DPH6: variants seen among roughly 807,000 people sequenced by gnomAD.
DPH6 encodes diphthamine biosynthesis 6, also known as diphthine--ammonia ligase.
In DPH6, 33 loss-of-function variants were observed where a neutral mutation model predicts 38.2. The ratio of observed to expected loss-of-function variants is 0.86; its 90% CI spans 0.65 to 1.15. The LOEUF (loss-of-function observed/expected upper bound fraction) is 1.15. Among genes scored for constraint, DPH6 ranks in the 50% most tolerant of loss-of-function variants. DPH6 has a pLI of 0.00. For synonymous variants in DPH6, 108 were observed against 103.0 expected (o/e 1.05, Z -0.30); for missense variants, 325 against 320.0 (o/e 1.02, Z -0.12).
intron 3 of DPH6, among the ~76,000 whole-genome samples, chr15:35,483,585 T>A (rs957417190): frequency 6.6e-6 from 1 of 151,948 alleles, no homozygotes; most frequent in Non-Finnish European, 1.5e-5. Flanking sequence ...GGAGGAAACA[T>A]TTATCCATTG....
chr15:35,156,953 T>C, the DPH6 span, among the ~76,000 whole-genome samples: 40 of 152,290 alleles, frequency 2.6e-4, no homozygotes, highest in Middle Eastern at 0.01. Context: ...GAACTAATTT[T>C]GGAGATTTTA....
intron 3 of DPH6, among the ~76,000 whole-genome samples, chr15:35,353,759 G>T (rs1006523274): frequency 1.3e-5 from 2 of 152,252 alleles, no homozygotes; most frequent in African/African-American, 4.8e-5. Flanking sequence ...ACTTGGTGAT[G>T]CAGGCTCTTT....
chr15:35,235,391 C>G (rs1431382046), intron 3 of DPH6, among the ~76,000 whole-genome samples: 2 of 152,184 alleles, frequency 1.3e-5, no homozygotes, highest in Non-Finnish European at 2.9e-5. Context: ...CACTTGCATA[C>G]AAGTCTTCAT....
At chr15:35,393,400 T>G (rs2053086054) in intron 6 of DPH6, among the ~76,000 whole-genome samples, 1 of 152,188 alleles carries the variant, frequency 6.6e-6, no homozygotes, top group Non-Finnish European at 1.5e-5. Context: ...CAAATTTATT[T>G]AATAAGTTTT....
In DPH6 at chr15:35,542,065, C is replaced by A. The variant is rs146733222; in HGVS notation, c.118+348G>T. Reference sequence around the variant, plus strand: ...CTGTATCTTATCTACCTCTATGCTGCCTACAGTACTTGGGAATGTGGTGGG... The same window carrying A: ...CTGTATCTTATCTACCTCTATGCTGACTACAGTACTTGGGAATGTGGTGGG... On this transcript the variant is annotated intron_variant, in intron 2 of 8. Transcript: ENST00000256538. 2.5e-3 allele frequency among the ~76,000 whole-genome samples: 385 copies of A among 152,144 alleles called. 5 individuals carry two copies. Among genetic ancestry groups the A allele is most frequent in the African/African-American group, 8.9e-3 (371 of 41,520 alleles).
chr15:35,193,581 T>C, the DPH6 span, among the ~76,000 whole-genome samples: 3 of 152,108 alleles, frequency 2.0e-5, no homozygotes, highest in African/African-American at 7.2e-5. Context: ...GGAGAAAGTG[T>C]TTTCAATAAG....
chr15:35,353,679 G>A (rs1329488923), intron 3 of DPH6, among the ~76,000 whole-genome samples: 1 of 152,196 alleles, frequency 6.6e-6, no homozygotes, highest in African/African-American at 2.4e-5. Context: ...TTTGGTTACT[G>A]TAGCCTTGTA....
intron 3 of DPH6, among the ~76,000 whole-genome samples, chr15:35,341,123 T>C (rs760346777): frequency 2.6e-5 from 4 of 152,202 alleles, no homozygotes; most frequent in Non-Finnish European, 4.4e-5. Context: ...TTCAGGAAGA[T>C]CGTCTTCAAA....
downstream of DPH6, among the ~76,000 whole-genome samples, chr15:35,327,484 C>T (rs899751553): frequency 5.3e-5 from 8 of 151,934 alleles, no homozygotes; most frequent in South Asian, 8.3e-4. Flanking sequence ...TAGTTGGGAC[C>T]ACAGGTGCCT....
rs2051600462 is a variant in DPH6 at position 35,241,671 on chromosome 15, A to G, written n.201-21089T>C. Among the ~76,000 whole-genome samples the G allele has an allele frequency of 1.4e-5, 2 of 141,746 alleles. 1 individual carries two copies. Among genetic ancestry groups the G allele is most frequent in the Non-Finnish European group, 3.1e-5 (2 of 65,002 alleles). 93.0% of individuals were successfully genotyped at this position (141,746 alleles called of 152,430 possible). ...TATTCCCCCACCTTAACCCACAAGT[A>G]TAAGATACCTCTACTCCCTCCTTGT... is the stretch of plus-strand genomic sequence containing the variant. On this transcript the variant is annotated intron_variant and non_coding_transcript_variant, in intron 3 of 3. Transcript: ENST00000560386.
chr15:35,462,999 T>C (rs1317778044), intron 3 of DPH6, among the ~76,000 whole-genome samples: 1 of 152,140 alleles, frequency 6.6e-6, no homozygotes, highest in Non-Finnish European at 1.5e-5. Context: ...ATGGGATGAA[T>C]TAACACACCA....
intron 5 of DPH6, among the ~76,000 whole-genome samples, chr15:35,416,140 G>C (rs971965399): frequency 6.6e-6 from 1 of 151,954 alleles, no homozygotes; most frequent in Admixed American, 6.6e-5. Context: ...TAGCTGATTA[G>C]CTGGAAAAAA....
intron 3 of DPH6, among the ~76,000 whole-genome samples, chr15:35,463,114 A>T (rs1244460983): frequency 6.6e-6 from 1 of 152,138 alleles, no homozygotes; most frequent in Non-Finnish European, 1.5e-5. Context: ...AAAATTAGAT[A>T]CTTTTTGTCA....
At chr15:35,495,984 G>T (rs1763196947) in intron 3 of DPH6, among the ~76,000 whole-genome samples, 1 of 152,080 alleles carries the variant, frequency 6.6e-6, no homozygotes, top group South Asian at 2.1e-4. Context: ...TGAGACAAAT[G>T]GATATCCCTA....
chr15:35,376,137 T>A (rs1313933321), intron 7 of DPH6, among the ~76,000 whole-genome samples: 1 of 152,118 alleles, frequency 6.6e-6, no homozygotes, highest in Admixed American at 6.5e-5. Context: ...AATTATGTGT[T>A]TGTGTGCCTT....
chr15:35,208,803 G>A, the DPH6 span, among the ~76,000 whole-genome samples: 1 of 151,880 alleles, frequency 6.6e-6, no homozygotes, highest in South Asian at 2.1e-4. Flanking sequence ...AAAACTTTCA[G>A]GCTGTTTTTG....
chr15:35,352,861 C>T (rs1595495347), intron 3 of DPH6, among the ~76,000 whole-genome samples: 3 of 152,244 alleles, frequency 2.0e-5, no homozygotes, highest in Admixed American at 6.5e-5. Flanking sequence ...GCCACACCGA[C>T]TTCCACAATG....
chr15:35,252,633 T>C (rs2051682376), intron 3 of DPH6, among the ~76,000 whole-genome samples: 1 of 152,366 alleles, frequency 6.6e-6, no homozygotes, highest in East Asian at 1.9e-4. Context: ...TTAATGCTTG[T>C]GTGCCTCCTT....
In DPH6 at chr15:35,241,334, C is replaced by T. The variant is rs1407956038; in HGVS notation, n.201-20752G>A. 2.1e-5 allele frequency among the ~76,000 whole-genome samples: 3 copies of T among 142,386 alleles called. 1 individual carries two copies. The Admixed American group carries it at 2.3e-4, about 11-fold the overall frequency. 93.4% of individuals were successfully genotyped at this position (142,386 alleles called of 152,430 possible). On this transcript the variant is annotated intron_variant and non_coding_transcript_variant, in intron 3 of 3. Transcript: ENST00000560386. ...CTCACAGTGGAAGGTTAAGTCCGTCCCGTTCTTAATCAATACGGAGGCTAC... is the reference window on the plus strand; with the variant it reads ...CTCACAGTGGAAGGTTAAGTCCGTCTCGTTCTTAATCAATACGGAGGCTAC...
Sources: gnomAD v4.1 joint callset for allele counts (sites outside exome capture counted in the v4.1 genomes callset) on GRCh38, gnomAD v4.1.1 for gene constraint, MANE v1.5 for transcripts, NCBI Gene and HGNC (gene_info 2026-07-23, HGNC 2026-07-21) for gene names.